The following CCDC91 variants were observed in gnomAD, a reference collection of about 807,000 sequenced individuals.
CCDC91 encodes coiled-coil domain-containing protein 91.
Under a neutral mutation model 63.2 loss-of-function variants are expected in CCDC91, and 48 were observed. That is an observed-to-expected ratio of 0.76 (90% CI 0.60 to 0.97). CCDC91 has a LOEUF of 0.97. CCDC91 is among the 50% of genes least tolerant of loss of function. CCDC91 has a pLI of 0.00. For missense variants in CCDC91, 500 were observed against 494.6 expected, an observed-to-expected ratio of 1.01 and a Z score of -0.10; for synonymous variants, 167 against 165.8, an observed-to-expected ratio of 1.01 and a Z score of -0.06.
At chr12:28,491,048 G>C (rs1951974507) in intron 12 of CCDC91, among the ~76,000 whole-genome samples, 1 of 151,686 alleles carries the variant, frequency 6.6e-6, no homozygotes, top group South Asian at 2.1e-4. Flanking sequence ...GTAAATTTAT[G>C]TATGTACACA....
chr12:28,425,959 A>G (rs1177225879), intron 8 of CCDC91, among the ~76,000 whole-genome samples: 1 of 152,186 alleles, frequency 6.6e-6, no homozygotes, highest in Non-Finnish European at 1.5e-5. Context: ...CTGTTTCTGT[A>G]TCATATATCG....
At position 28,200,228 on chromosome 12, in the gene CCDC91, C is replaced by T. The variant is rs186242401; in HGVS notation, c.-15+9587C>T. ...GCCAGCTCAAATGTGCAGTTGAACT[C>T]TTCTAGTGAATTTTTTTTTTTTTTT... On this transcript the variant is annotated intron_variant, in intron 1 of 12. Coordinates refer to ENST00000536442, the MANE Select transcript of CCDC91 (RefSeq NM_018318.5). 1.7e-4 allele frequency among the ~76,000 whole-genome samples: 24 copies of T among 144,556 alleles called. No homozygotes were observed. In the East Asian group the frequency reaches 4.7e-3, roughly 28 times the overall value. The allele number at this position is 144,556 out of a possible 152,430, so 94.8% of individuals were successfully genotyped here. A position where few individuals can be genotyped will look rare whatever the true frequency, so the allele number is the denominator to read the frequency against.
At chr12:28,488,694 T>A (rs1319771327) in intron 12 of CCDC91, among the ~76,000 whole-genome samples, 1 of 151,890 alleles carries the variant, frequency 6.6e-6, no homozygotes, top group Non-Finnish European at 1.5e-5. Context: ...TTAATGGATT[T>A]AGACATTTCC....
chr12:28,290,037 G>C (rs1949146127), intron 3 of CCDC91, among the ~76,000 whole-genome samples: 1 of 152,076 alleles, frequency 6.6e-6, no homozygotes, highest in Admixed American at 6.6e-5. Flanking sequence ...ATTTGATCCA[G>C]TGCTGAGTTT....
intron 3 of CCDC91, among the ~76,000 whole-genome samples, chr12:28,301,895 C>T (rs1387918351): frequency 6.6e-6 from 1 of 151,582 alleles, no homozygotes; most frequent in Non-Finnish European, 1.5e-5. Context: ...GCTATATTCT[C>T]CTTGTCATTT....
intron 12 of CCDC91, among the ~76,000 whole-genome samples, chr12:28,538,772 T>G (rs890762713): frequency 7.2e-5 from 11 of 152,008 alleles, no homozygotes; most frequent in Non-Finnish European, 1.5e-4. Context: ...GCACCTCTTG[T>G]TTCCTGACTT....
chr12:28,359,433 G>A (rs766349310), intron 6 of CCDC91, among the ~76,000 whole-genome samples: 49 of 152,090 alleles, frequency 3.2e-4, no homozygotes, highest in Admixed American at 1.6e-3. Flanking sequence ...TTTAAAGATT[G>A]TCGAATTTTT....
chr12:28,367,375 A>G (rs1300965675), intron 7 of CCDC91, among the ~76,000 whole-genome samples: 1 of 152,214 alleles, frequency 6.6e-6, no homozygotes, highest in Non-Finnish European at 1.5e-5. Flanking sequence ...GATGGGCTCA[A>G]TAATGGAATG....
chr12:28,442,826 T>G (rs1258248217), intron 8 of CCDC91, among the ~76,000 whole-genome samples: 1 of 152,046 alleles, frequency 6.6e-6, no homozygotes. Context: ...TATTTTATGA[T>G]CAAATGTCAA....
chr12:28,308,561 C>T (rs559881337), intron 6 of CCDC91, among the ~76,000 whole-genome samples: 2 of 152,048 alleles, frequency 1.3e-5, no homozygotes, highest in African/African-American at 4.8e-5. Context: ...TCCCTTATGT[C>T]CCTTCTTCCT....
At chr12:28,537,051 A>G (rs1565540475) in intron 12 of CCDC91, among the ~76,000 whole-genome samples, 1 of 152,178 alleles carries the variant, frequency 6.6e-6, no homozygotes, top group Non-Finnish European at 1.5e-5. Context: ...TAAGTTGATT[A>G]GGAACCTTAT....
At chr12:28,452,831 A>G (rs191645708) in intron 11 of CCDC91, among the ~76,000 whole-genome samples, 177 bp downstream of exon 11, 2 of 151,668 alleles carry the variant, frequency 1.3e-5, no homozygotes, top group Non-Finnish European at 3.0e-5. Flanking sequence ...TAATATTTTA[A>G]TGTGCTTTCA....
chr12:28,307,678 T>G lies in CCDC91; in HGVS notation c.505T>G (p.Leu169Val). ...ATCATTGATGGAAAAGCATAATGTC[T>G]TAGAAAAAGGCTTTCTAAAAGAAAA... is the stretch of plus-strand genomic sequence containing the variant. ...VESLMEKHNV[L>V]EKGFLKEKEQ... Residue 169 changes from leucine (L) to valine (V), a missense_variant, in exon 6 of 13, where the codon TTA becomes GTA. Coordinates refer to ENST00000536442, the MANE Select transcript of CCDC91 (RefSeq NM_018318.5). The G allele has an allele frequency of 5.7e-6, 9 of 1,584,812 alleles. No homozygotes were observed. The highest frequency in any genetic ancestry group is 7.7e-6 in the Non-Finnish European group (9 of 1,163,534).
chr12:28,227,163 G>T (rs181233909), intron 1 of CCDC91, among the ~76,000 whole-genome samples: 1 of 152,062 alleles, frequency 6.6e-6, no homozygotes, highest in Non-Finnish European at 1.5e-5. Context: ...ATTTGGCTAA[G>T]GTGGTTTTTA....
chr12:28,287,777 A>G (rs1949001585), intron 3 of CCDC91, among the ~76,000 whole-genome samples: 1 of 152,172 alleles, frequency 6.6e-6, no homozygotes, highest in Non-Finnish European at 1.5e-5. Context: ...CATTGAATAT[A>G]TGAATTGCTT....
At chr12:28,386,856 T>A (rs1945635445) in intron 7 of CCDC91, among the ~76,000 whole-genome samples, 1 of 152,228 alleles carries the variant, frequency 6.6e-6, no homozygotes, top group Admixed American at 6.5e-5. Flanking sequence ...GGCATTTCTA[T>A]CTGTATATAC....
chr12:28,468,597 G>T (rs1592758113), intron 11 of CCDC91, among the ~76,000 whole-genome samples: 1 of 151,842 alleles, frequency 6.6e-6, no homozygotes, highest in South Asian at 2.1e-4. Context: ...ATTCTATGAG[G>T]CCAGTATTAC....
At chr12:28,335,555 A>ATG (rs1366126406) in intron 6 of CCDC91, among the ~76,000 whole-genome samples, 3 of 150,962 alleles carry the variant, frequency 2.0e-5, no homozygotes, top group African/African-American at 4.9e-5. Flanking sequence ...CTACAGGTGC[A>ATG]TGCCACCGTG....
At position 28,549,148 on chromosome 12, in the gene CCDC91, C is replaced by G; in HGVS notation, c.1301C>G (p.Ala434Gly). Residue 434 changes from alanine to glycine, a missense_variant, in exon 13 of 13, where the codon GCT becomes GGT. By Grantham distance (60) the Ala-to-Gly change is moderately conservative. Transcript: ENST00000536442. ...CAQKQLSALI[A>G]TEPVDIE is the part of the protein sequence containing the mutation. ...CAGAAACAGTTAAGTGCTTTAATAG[C>G]TACGGAACCAGTTGACATTGAATAA... 1 of 1,608,912 alleles carries G rather than the reference C, an allele frequency of 6.2e-7. No homozygotes were observed. The highest frequency in any genetic ancestry group is 8.5e-7 in the Non-Finnish European group (1 of 1,175,668).
Sources: allele counts gnomAD v4.1 joint callset (sites outside exome capture counted in the v4.1 genomes callset), GRCh38; gene constraint gnomAD v4.1.1; transcripts MANE v1.5; gene names NCBI Gene and HGNC (gene_info 2026-07-23, HGNC 2026-07-21).